Variants in RPS23 observed in about 807,000 individuals in gnomAD.
RPS23 encodes the protein ribosomal protein S23, also known as small ribosomal subunit protein uS12.
For missense variants in RPS23, 73 were observed against 174.5 expected (o/e 0.42, Z 3.28); for synonymous variants, 66 against 60.4 (o/e 1.09, Z -0.43).
chr5:82,277,995 G>A, intron 1 of RPS23, 143 bp from the exon 2 acceptor site: 1 of 787,406 alleles, frequency 1.3e-6, no homozygotes, highest in Non-Finnish European at 2.0e-6. Context: ...CAAACATTTG[G>A]CCTTCAAGTT....
intron 1 of RPS23, 92 bp downstream of exon 1, chr5:82,278,226 GCA>G: frequency 8.1e-7 from 1 of 1,233,516 alleles, no homozygotes; most frequent in Non-Finnish European, 1.2e-6. Context: ...CCTCTCCATG[GCA>G]TCCCCCGCCC....
chr5:82,277,988 A>G, intron 1 of RPS23, 136 bp from the exon 2 acceptor site: 2 of 818,834 alleles, frequency 2.4e-6, no homozygotes, highest in East Asian at 2.7e-5. Context: ...TGTGGGCCAA[A>G]CATTTGGCCT....
rs1197882951 is a variant in RPS23, at chr5:82,275,399, G to T, written c.*710C>A. The stretch of plus-strand genomic sequence containing the variant: ...GTCTCTACACTAAACCACTTCATTT[G>T]CTGACTAGTCTTTGAAGACATGAAG... On this transcript the variant is annotated 3_prime_UTR_variant, in exon 4 of 4. Coordinates refer to ENST00000296674, the MANE Select transcript of RPS23 (RefSeq NM_001025.5). 2.9e-6 allele frequency: 2 copies of T among 690,924 alleles called. No homozygotes were observed. The highest frequency in any genetic ancestry group is 3.5e-5 in the African/African-American group (2 of 56,946). The allele number at this position is 690,924 out of a possible 1,614,324, so 42.8% of individuals were successfully genotyped here. A position where few individuals can be genotyped will look rare whatever the true frequency, so the allele number is the denominator to read the frequency against.
At position 82,275,740 on chromosome 5, in the gene RPS23, T is replaced by C. The variant is rs1747759025; in HGVS notation, c.*369A>G. 1 of 247,580 alleles carries C rather than the reference T, an allele frequency of 4.0e-6. No homozygotes were observed. The highest frequency in any genetic ancestry group is 8.8e-5 in the East Asian group (1 of 11,324). The allele number at this position is 247,580 out of a possible 1,614,324, so 15.3% of individuals were successfully genotyped here. A position where few individuals can be genotyped will look rare whatever the true frequency, so the allele number is the denominator to read the frequency against. ...GAAGTGTTGCACCCGATATGGAAAA[T>C]ACCAAGAATAAAAAAGAAAGTATCT... On this transcript the variant is annotated 3_prime_UTR_variant, in exon 4 of 4. Coordinates refer to ENST00000296674, the MANE Select transcript of RPS23 (RefSeq NM_001025.5).
At position 82,276,723 on chromosome 5, in the gene RPS23, T is replaced by A. The variant is rs1190365263; in HGVS notation, c.165-205A>T. The A allele has an allele frequency of 6.3e-6, 4 of 634,944 alleles. No homozygotes were observed. The East Asian group carries it at 1.1e-4, about 18-fold the overall frequency. 39.3% of individuals were successfully genotyped at this position (634,944 alleles called of 1,614,324 possible). A position where few individuals can be genotyped will look rare whatever the true frequency, so the allele number is the denominator to read the frequency against. ...GGGGAAATTTCTAGACCTTTTACAG[T>A]TATAAAAGTAGACTGGAGTGGCAGC... On this transcript the variant is annotated intron_variant, in intron 2 of 3. Coordinates refer to ENST00000296674, the MANE Select transcript of RPS23 (RefSeq NM_001025.5).
In RPS23 at chr5:82,275,141, T is replaced by C. The variant is rs1747744480; in HGVS notation, c.*968A>G. The C allele has an allele frequency of 4.4e-6, 3 of 684,634 alleles. No homozygotes were observed. The highest frequency in any genetic ancestry group is 3.1e-5 in the South Asian group (2 of 64,876). The allele number at this position is 684,634 out of a possible 1,614,324, so 42.4% of individuals were successfully genotyped here. A position where few individuals can be genotyped will look rare whatever the true frequency, so the allele number is the denominator to read the frequency against. On this transcript the variant is annotated 3_prime_UTR_variant, in exon 4 of 4. Coordinates refer to ENST00000296674, the MANE Select transcript of RPS23 (RefSeq NM_001025.5). ...ACGGAAAGTGGGCAACCAAACCAAT[T>C]GTTTTCCAAAGATCCTAAACAATGT... is the stretch of plus-strand genomic sequence containing the variant.
rs372565981 is a variant in RPS23 at position 82,276,437 on chromosome 5, T to C, written c.246A>G (p.Thr82=). 30 of 1,613,864 alleles carry C rather than the reference T, an allele frequency of 1.9e-5. No homozygotes were observed. The African/African-American group carries it at 2.9e-4, about 16-fold the overall frequency. The stretch of plus-strand genomic sequence containing the variant: ...AGCAACCGTCATTGGGTACAAAGGC[T>C]GTGATTTTCTTGCCATTCTTGATCA... The part of the protein sequence containing the change: ...VQLIKNGKKI[T]AFVPNDGCLN... Residue 82 remains threonine (T), a synonymous_variant, in exon 3 of 4, where the codon ACA becomes ACG. Coordinates refer to ENST00000296674, the MANE Select transcript of RPS23 (RefSeq NM_001025.5).
At chr5:82,278,156 C>A in intron 1 of RPS23, 164 bp downstream of exon 1, 1 of 929,006 alleles carries the variant, frequency 1.1e-6, no homozygotes, top group South Asian at 1.7e-5. Flanking sequence ...CTCATGGGCC[C>A]CTTCCGCGCC....
rs763811381 is a variant in RPS23 at position 82,276,385 on chromosome 5, T to C, written c.285+13A>G. On this transcript the variant is annotated intron_variant, in intron 3 of 3. Transcript: ENST00000296674. ...CCCAAGAACAGAAGGTACGATAGAG[T>C]TGAAATACTCACCTCAATAAAGTTC... 6.2e-6 allele frequency: 10 copies of C among 1,613,588 alleles called. No homozygotes were observed. In the Admixed American group the frequency reaches 1.7e-4, roughly 27 times the overall value.
chr5:82,278,291 G>A, intron 1 of RPS23, 29 bp downstream of exon 1: 1 of 1,604,812 alleles, frequency 6.2e-7, no homozygotes, highest in Non-Finnish European at 8.5e-7. Context: ...CCCGCTTGCA[G>A]CGCCCTTAAA....
At position 82,275,168 on chromosome 5, in the gene RPS23, A is replaced by C; in HGVS notation, c.*941T>G. 1.4e-6 allele frequency: 1 copy of C among 699,744 alleles called. No individual in the cohort carries two copies. Among genetic ancestry groups the C allele is most frequent in the African/African-American group, 1.7e-5 (1 of 57,216 alleles). 43.3% of individuals were successfully genotyped at this position (699,744 alleles called of 1,614,324 possible). On this transcript the variant is annotated 3_prime_UTR_variant, in exon 4 of 4. Coordinates refer to ENST00000296674, the MANE Select transcript of RPS23 (RefSeq NM_001025.5). ...TTTTCCAAAGATCCTAAACAATGTA[A>C]AGCTAGGCTTTGATCAAAGGGCTAA...
chr5:82,276,289 G>A (rs1299909857), intron 3 of RPS23, 34 bp from the exon 4 acceptor site: 1 of 1,612,932 alleles, frequency 6.2e-7, no homozygotes, highest in Non-Finnish European at 8.5e-7. Flanking sequence ...TTCTGGTGTT[G>A]GTGGCGATCA....
chr5:82,277,462 T>C (rs921974105), intron 2 of RPS23: 1 of 547,320 alleles, frequency 1.8e-6, no homozygotes, highest in Non-Finnish European at 3.3e-6. Flanking sequence ...ATTGCTAGTA[T>C]CTTCTCCAAT....
In RPS23 at chr5:82,275,784, T is replaced by A; in HGVS notation, c.*325A>T. On this transcript the variant is annotated 3_prime_UTR_variant, in exon 4 of 4. Transcript: ENST00000296674. ...AGTATCTCACTAGAATTTCAGTGAGTTTTTGAAGTTCCCTTAAAGTTCTTA... is the reference window on the plus strand; with the variant it reads ...AGTATCTCACTAGAATTTCAGTGAGATTTTGAAGTTCCCTTAAAGTTCTTA... The A allele has an allele frequency of 3.6e-6, 1 of 279,250 alleles. No homozygotes were observed. Among genetic ancestry groups the A allele is most frequent in the Non-Finnish European group, 6.6e-6 (1 of 150,922 alleles). The allele number at this position is 279,250 out of a possible 1,614,324, so 17.3% of individuals were successfully genotyped here.
chr5:82,278,293 G>A (rs747163825), intron 1 of RPS23, 27 bp downstream of exon 1: 69 of 1,601,764 alleles, frequency 4.3e-5, no homozygotes, highest in Non-Finnish European at 5.5e-5. Flanking sequence ...CGCTTGCAGC[G>A]CCCTTAAACC....
In RPS23 at chr5:82,275,459, A is replaced by T. The variant is rs1747753190; in HGVS notation, c.*650T>A. 1 of 633,280 alleles carries T rather than the reference A, an allele frequency of 1.6e-6. No homozygotes were observed. The highest frequency in any genetic ancestry group is 2.8e-6 in the Non-Finnish European group (1 of 352,994). The allele number at this position is 633,280 out of a possible 1,614,324, so 39.2% of individuals were successfully genotyped here. A position where few individuals can be genotyped will look rare whatever the true frequency, so the allele number is the denominator to read the frequency against. On this transcript the variant is annotated 3_prime_UTR_variant, in exon 4 of 4. Coordinates refer to ENST00000296674, the MANE Select transcript of RPS23 (RefSeq NM_001025.5). ...AACCTCATGAGAAGATACTGAAAAC[A>T]TCAGTCTTGTCGTATACCTTATCTC...
rs144716681 is a variant in RPS23, at chr5:82,277,751, G to A, written c.106C>T (p.Leu36=). The change falls in exon 2 of 4, where the codon CTA becomes TTA. Residue 36 remains leucine (L), a synonymous_variant. Coordinates refer to ENST00000296674, the MANE Select transcript of RPS23 (RefSeq NM_001025.5). ...GCACCTCCAAAAGGGTTGGCCTTTAGGGCTGTGCCCAAATGAGCTTTCTTA... is the reference window on the plus strand; with the variant it reads ...GCACCTCCAAAAGGGTTGGCCTTTAAGGCTGTGCCCAAATGAGCTTTCTTA... ...QYKKAHLGTA[L]KANPFGGASH... is the part of the protein sequence containing the mutation. 8.1e-4 allele frequency: 1,311 copies of A among 1,613,914 alleles called. No homozygotes were observed. Among genetic ancestry groups the A allele is most frequent in the Non-Finnish European group, 9.7e-4 (1,141 of 1,179,888 alleles).
rs888277637 is a variant in RPS23 at position 82,274,630 on chromosome 5, T to A, written c.*1479A>T. The A allele has an allele frequency of 6.6e-6, 1 of 152,656 alleles. No individual in the cohort carries two copies. The highest frequency in any genetic ancestry group is 1.5e-5 in the Non-Finnish European group (1 of 68,384). The allele number at this position is 152,656 out of a possible 1,614,324, so 9.5% of individuals were successfully genotyped here. ...CGCGCCTGACGCCCAGGGCCTGGAA[T>A]CGCGCTGCAACCGCGGCCTCTTTCC... On this transcript the variant is annotated 3_prime_UTR_variant, in exon 4 of 4. Transcript: ENST00000296674.
At position 82,277,863 on chromosome 5, in the gene RPS23, A is replaced by G; in HGVS notation, c.5-11T>C. 2 of 1,609,890 alleles carry G rather than the reference A, an allele frequency of 1.2e-6. No homozygotes were observed. Among genetic ancestry groups the G allele is most frequent in the Non-Finnish European group, 1.7e-6 (2 of 1,178,052 alleles). ...GTCCACGACACTTGCCTAAAAATTAAATATTTTAGTTCTTCCGTAAAAACA... is the reference window on the plus strand; with the variant it reads ...GTCCACGACACTTGCCTAAAAATTAGATATTTTAGTTCTTCCGTAAAAACA... On this transcript the variant is annotated splice_polypyrimidine_tract_variant and intron_variant, in intron 1 of 3. Coordinates refer to ENST00000296674, the MANE Select transcript of RPS23 (RefSeq NM_001025.5).
Sources: allele counts gnomAD v4.1 joint callset, GRCh38; gene constraint gnomAD v4.1.1; transcripts MANE v1.5; gene names NCBI Gene and HGNC (gene_info 2026-07-23, HGNC 2026-07-21).